The following PGS1 variants were observed in gnomAD, a reference collection of about 807,000 sequenced individuals.
PGS1 encodes phosphatidylglycerophosphate synthase 1, also known as CDP-diacylglycerol--glycerol-3-phosphate 3-phosphatidyltransferase, mitochondrial.
Under a neutral mutation model 58.3 loss-of-function variants are expected in PGS1, and 44 were observed. That is an observed-to-expected ratio of 0.75 (90% CI 0.59 to 0.97). The LOEUF (loss-of-function observed/expected upper bound fraction) is 0.97, where lower values mean the gene tolerates loss of function less well. Ranked by LOEUF, PGS1 falls within the 50% of genes least tolerant of loss-of-function variation. The probability of loss-of-function intolerance (pLI) is 0.00; values close to 1 mark genes in which losing one functional copy is unlikely to be tolerated. For synonymous variants in PGS1, 330 were observed against 311.0 expected, an observed-to-expected ratio of 1.06 and a Z score of -0.64; for missense variants, 684 against 731.1, an observed-to-expected ratio of 0.94 and a Z score of 0.74.
At chr17:78,386,669 C>G (rs886079016) in intron 1 of PGS1, among the ~76,000 whole-genome samples, 4 of 152,190 alleles carry the variant, frequency 2.6e-5, no homozygotes, top group African/African-American at 9.7e-5. Flanking sequence ...CATGTGCTTT[C>G]TTGGTAAGTA....
chr17:78,407,746 C>T (rs1230557992), intron 7 of PGS1, among the ~76,000 whole-genome samples: 1 of 152,266 alleles, frequency 6.6e-6, no homozygotes, highest in Non-Finnish European at 1.5e-5. Flanking sequence ...GCACAGCACT[C>T]TCTGGGAGCC....
intron 7 of PGS1, among the ~76,000 whole-genome samples, chr17:78,410,740 G>A (rs952279458): frequency 3.3e-5 from 5 of 152,034 alleles, no homozygotes; most frequent in Non-Finnish European, 5.9e-5. Context: ...CCAAAGTCCT[G>A]GGATTACGGG....
At chr17:78,411,120 G>A (rs1279004839) in intron 7 of PGS1, among the ~76,000 whole-genome samples, 2 of 152,236 alleles carry the variant, frequency 1.3e-5, no homozygotes, top group Non-Finnish European at 2.9e-5. Context: ...CCTGAGTGAA[G>A]AGGGAGCATC....
At chr17:78,419,770 C>G (rs1350878544) in intron 9 of PGS1, 95 bp downstream of exon 9, 1 of 1,570,588 alleles carries the variant, frequency 6.4e-7, no homozygotes, top group East Asian at 2.3e-5. Flanking sequence ...TTCCAGAGGG[C>G]TCTTTGATCC....
intron 7 of PGS1, among the ~76,000 whole-genome samples, chr17:78,412,779 C>T (rs1323496972): frequency 3.3e-5 from 5 of 152,204 alleles, no homozygotes; most frequent in Non-Finnish European, 7.3e-5. Context: ...CTCAGGAGAT[C>T]CAGCTGGACA....
chr17:78,380,039 T>C (rs747231235), intron 1 of PGS1, among the ~76,000 whole-genome samples: 2 of 151,854 alleles, frequency 1.3e-5, no homozygotes, highest in Non-Finnish European at 2.9e-5. Flanking sequence ...GCTAATTTTG[T>C]ATTTTTAGTA....
intron 6 of PGS1, among the ~76,000 whole-genome samples, chr17:78,402,315 T>C (rs971505247): frequency 6.6e-5 from 10 of 152,236 alleles, no homozygotes. Flanking sequence ...CTTGTTGTTT[T>C]ATCAATCGTT....
intron 3 of PGS1, among the ~76,000 whole-genome samples, chr17:78,397,743 C>G (rs2083349086): frequency 6.6e-6 from 1 of 152,302 alleles, no homozygotes; most frequent in East Asian, 1.9e-4. Context: ...CCGCCTCCCT[C>G]TATTTTTAGG....
intron 1 of PGS1, among the ~76,000 whole-genome samples, chr17:78,381,806 A>G (rs572713795): frequency 6.6e-6 from 1 of 152,182 alleles, no homozygotes; most frequent in Non-Finnish European, 1.5e-5. Context: ...ACTTAAAATT[A>G]CTTCTGTTAA....
At chr17:78,387,363 G>T (rs372563335) in intron 1 of PGS1, among the ~76,000 whole-genome samples, 4 of 149,010 alleles carry the variant, frequency 2.7e-5, no homozygotes, top group Non-Finnish European at 4.5e-5. Flanking sequence ...ACAGTGGCGC[G>T]ATCTGGGCTC....
intron 1 of PGS1, among the ~76,000 whole-genome samples, chr17:78,379,384 T>G (rs754317762): frequency 6.6e-5 from 10 of 152,190 alleles, no homozygotes; most frequent in Non-Finnish European, 1.3e-4. Context: ...TTTACACATT[T>G]CAAAGGGCCT....
chr17:78,388,821 T>G (rs937891033), intron 1 of PGS1, among the ~76,000 whole-genome samples: 7 of 145,250 alleles, frequency 4.8e-5, no homozygotes, highest in African/African-American at 1.9e-4. Context: ...CATGCACTAT[T>G]TGGACATTGA....
Position 78,423,824 on chromosome 17 carries a change from AAAG to A in PGS1, c.*11-234_*11-232del, listed in dbSNP as rs376706067. 8.6e-6 allele frequency: 13 copies of A among 1,520,320 alleles called. No individual in the cohort carries two copies. The African/African-American group carries it at 9.6e-5, about 11-fold the overall frequency. 94.2% of individuals were successfully genotyped at this position (1,520,320 alleles called of 1,614,324 possible). A position where few individuals can be genotyped will look rare whatever the true frequency, so the allele number is the denominator to read the frequency against. On this transcript the variant is annotated intron_variant, in intron 9 of 9. Transcript: ENST00000262764. ...ACGAAAAACCACCACCAGTTCCTGT[AAAG>A]AATAAGTCACAGGTGCACAGGTGAA...
At chr17:78,411,659 G>A (rs534891655) in intron 7 of PGS1, among the ~76,000 whole-genome samples, 38 of 152,254 alleles carry the variant, frequency 2.5e-4, no homozygotes, top group African/African-American at 8.9e-4. Context: ...CTCATCTGAT[G>A]GTTCCTGGAA....
At chr17:78,384,363 A>G (rs1430675364) in intron 1 of PGS1, among the ~76,000 whole-genome samples, 1 of 152,068 alleles carries the variant, frequency 6.6e-6, no homozygotes, top group Non-Finnish European at 1.5e-5. Flanking sequence ...ACCTTCTTGT[A>G]GTTTCTGGAG....
chr17:78,420,182 G>A (rs1267642290), intron 9 of PGS1: 20 of 998,668 alleles, frequency 2.0e-5, no homozygotes, highest in African/African-American at 5.2e-5. Flanking sequence ...CTGCCTGGAC[G>A]CCTCGCTGAC....
chr17:78,392,691 T>A, intron 2 of PGS1, 26 bp downstream of exon 2: 1 of 1,601,028 alleles, frequency 6.2e-7, no homozygotes, highest in Non-Finnish European at 8.5e-7. Context: ...AGGAAAGAAG[T>A]TTGAGTTAGA....
At chr17:78,387,178 A>T (rs1386887141) in intron 1 of PGS1, among the ~76,000 whole-genome samples, 1 of 148,848 alleles carries the variant, frequency 6.7e-6, no homozygotes, top group Non-Finnish European at 1.5e-5. Flanking sequence ...TAATTTTTGT[A>T]TTTTTAGTAG....
intron 9 of PGS1, among the ~76,000 whole-genome samples, chr17:78,422,929 C>CTACTAAAAATAAAAAAAT (rs2086016335): frequency 6.6e-6 from 1 of 151,972 alleles, no homozygotes; most frequent in East Asian, 1.9e-4. Context: ...AACCCCATCT[C>CTACTAAAAATAAAAAAAT]TACTAAAAAT....
Sources: allele counts gnomAD v4.1 joint callset (sites outside exome capture counted in the v4.1 genomes callset), GRCh38; gene constraint gnomAD v4.1.1; transcripts MANE v1.5; gene names NCBI Gene and HGNC (gene_info 2026-07-23, HGNC 2026-07-21).